The following MGAT4C variants were observed in gnomAD, a reference collection of about 807,000 sequenced individuals.
The protein encoded by MGAT4C is alpha-1,3-mannosyl-glycoprotein 4-beta-N-acetylglucosaminyltransferase C.
In MGAT4C, 19 loss-of-function variants were observed where a neutral mutation model predicts 40.1. The observed-to-expected ratio is 0.47, with a 90% CI of 0.33 to 0.70. The LOEUF (loss-of-function observed/expected upper bound fraction) is 0.70. Among genes scored for constraint, MGAT4C ranks in the 30% least tolerant of loss-of-function variants. The pLI is 0.02. For missense variants in MGAT4C, 491 were observed against 563.2 expected, an observed-to-expected ratio of 0.87 and a Z score of 1.30; for synonymous variants, 181 against 187.1, an observed-to-expected ratio of 0.97 and a Z score of 0.27.
At chr12:86,590,132 C>A (rs1190908779) in intron 2 of MGAT4C, among the ~76,000 whole-genome samples, 1 of 150,722 alleles carries the variant, frequency 6.6e-6, no homozygotes, top group African/African-American at 2.4e-5. Context: ...ACAGTAAAAA[C>A]AGAATACATG....
chr12:86,218,936 T>G (rs1207723947), intron 1 of MGAT4C, among the ~76,000 whole-genome samples: 1 of 152,070 alleles, frequency 6.6e-6, no homozygotes, highest in African/African-American at 2.4e-5. Flanking sequence ...ATCTCAGCAT[T>G]TTGGGAGGCC....
chr12:86,039,322 T>A (rs973245122), intron 2 of MGAT4C, among the ~76,000 whole-genome samples: 1 of 152,194 alleles, frequency 6.6e-6, no homozygotes, highest in Non-Finnish European at 1.5e-5. Context: ...GTTTTCCAAC[T>A]GGGTTCCATT....
At chr12:86,303,291 A>G (rs1447986169) in intron 4 of MGAT4C, among the ~76,000 whole-genome samples, 1 of 150,578 alleles carries the variant, frequency 6.6e-6, no homozygotes, top group African/African-American at 2.5e-5. Context: ...CTCTGAAACC[A>G]TGCCAGCCTC....
At chr12:86,327,699 G>A (rs1200232820) in intron 4 of MGAT4C, among the ~76,000 whole-genome samples, 1 of 152,008 alleles carries the variant, frequency 6.6e-6, no homozygotes, top group African/African-American at 2.4e-5. Context: ...TACCAAGAAG[G>A]AAATTCCACC....
At chr12:86,734,034 AG>A (rs1239534680) in intron 1 of MGAT4C, among the ~76,000 whole-genome samples, 1 of 152,110 alleles carries the variant, frequency 6.6e-6, no homozygotes, top group African/African-American at 2.4e-5. Flanking sequence ...CCGACAGCTA[AG>A]GTAGGATGGG....
chr12:86,662,619 AT>A (rs1387047283), intron 2 of MGAT4C, among the ~76,000 whole-genome samples: 11 of 152,164 alleles, frequency 7.2e-5, no homozygotes, highest in Admixed American at 7.2e-4. Flanking sequence ...CAAACCTCTA[AT>A]ATGTAAATGA....
chr12:86,270,643 A>G (rs1193849848), intron 4 of MGAT4C, among the ~76,000 whole-genome samples: 1 of 152,178 alleles, frequency 6.6e-6, no homozygotes, highest in Non-Finnish European at 1.5e-5. Context: ...TATCAACATC[A>G]TTCTTCACAA....
chr12:86,332,525 C>G (rs534976443), intron 4 of MGAT4C, among the ~76,000 whole-genome samples: 15 of 152,004 alleles, frequency 9.9e-5, no homozygotes, highest in Non-Finnish European at 1.8e-4. Context: ...GAATTCAAAC[C>G]AATATCTATC....
intron 3 of MGAT4C, among the ~76,000 whole-genome samples, chr12:86,408,448 ACTCTCTCT>A (rs1174416641): frequency 2.2e-3 from 66 of 29,366 alleles, no homozygotes; most frequent in East Asian, 8.5e-3. Context: ...TACATAGTAA[ACTCTCTCT>A]CTCTCTCTCT....
chr12:86,497,861 A>C (rs1241668746), intron 2 of MGAT4C, among the ~76,000 whole-genome samples: 1 of 144,872 alleles, frequency 6.9e-6, no homozygotes, highest in Non-Finnish European at 1.5e-5. Context: ...TTTCACCTTT[A>C]CCAGATTGCT....
Position 86,003,604 on chromosome 12 carries a change from G to C in MGAT4C, c.-6-14052C>G, listed in dbSNP as rs570382131. 7.7e-4 allele frequency among the ~76,000 whole-genome samples: 117 copies of C among 152,148 alleles called. 1 individual carries two copies. The highest frequency in any genetic ancestry group is 1.6e-3 in the Admixed American group (25 of 15,272). ...TTGAGATTATGGCTAGCTTTGCCTG[G>C]TGTTGCAATATAGTTGCTGAAAACG... On this transcript the variant is annotated intron_variant, in intron 2 of 4. Coordinates refer to ENST00000611864, the MANE Select transcript of MGAT4C (RefSeq NM_001351288.2).
chr12:86,144,229 T>G (rs568300264), intron 1 of MGAT4C, among the ~76,000 whole-genome samples: 1 of 152,340 alleles, frequency 6.6e-6, no homozygotes, highest in East Asian at 1.9e-4. Context: ...AATTAATATT[T>G]TTTATTTCAG....
chr12:86,025,148 C>A (rs1057026670), intron 2 of MGAT4C, among the ~76,000 whole-genome samples: 6 of 151,242 alleles, frequency 4.0e-5, no homozygotes, highest in Non-Finnish European at 7.4e-5. Flanking sequence ...AATTTTTATA[C>A]CAATATTTCA....
intron 4 of MGAT4C, among the ~76,000 whole-genome samples, chr12:86,317,524 T>G (rs971656890): frequency 3.3e-5 from 5 of 152,204 alleles, no homozygotes; most frequent in African/African-American, 9.6e-5. Context: ...ATACACAGGT[T>G]TAAAGAAGTA....
intron 2 of MGAT4C, among the ~76,000 whole-genome samples, chr12:86,496,765 C>T (rs561932293): frequency 6.6e-6 from 1 of 151,934 alleles, no homozygotes; most frequent in Admixed American, 6.6e-5. Context: ...TAATTGAGCT[C>T]ACCATTCAGC....
chr12:86,100,139 G>A (rs753179453), intron 1 of MGAT4C, among the ~76,000 whole-genome samples: 1 of 151,310 alleles, frequency 6.6e-6, no homozygotes, highest in Non-Finnish European at 1.5e-5. Context: ...AGAAAATAGT[G>A]TATGCCAGAA....
intron 2 of MGAT4C, among the ~76,000 whole-genome samples, chr12:86,627,307 A>G (rs1962848022): frequency 6.6e-6 from 1 of 152,164 alleles, no homozygotes. Context: ...TAGCTGAACA[A>G]AGGCAGTAGA....
chr12:86,039,359 T>C (rs1449430680), intron 2 of MGAT4C, among the ~76,000 whole-genome samples: 1 of 152,220 alleles, frequency 6.6e-6, no homozygotes, highest in African/African-American at 2.4e-5. Flanking sequence ...GGTACACCTA[T>C]CAAATGTAGA....
intron 1 of MGAT4C, among the ~76,000 whole-genome samples, chr12:86,790,475 T>C (rs955876037): frequency 6.6e-6 from 1 of 152,112 alleles, no homozygotes; most frequent in African/African-American, 2.4e-5. Context: ...TGCTTCTTTC[T>C]TAAAAGCATA....
Sources: gnomAD v4.1 joint callset for allele counts (sites outside exome capture counted in the v4.1 genomes callset) on GRCh38, gnomAD v4.1.1 for gene constraint, MANE v1.5 for transcripts, NCBI Gene and HGNC (gene_info 2026-07-23, HGNC 2026-07-21) for gene names.